The following MFF variants were observed in gnomAD, a reference collection of about 807,000 sequenced individuals.
MFF encodes mitochondrial fission factor.
MFF carries 12 observed loss-of-function variants against 36.9 expected under a neutral mutation model. The ratio of observed to expected loss-of-function variants is 0.33; its 90% CI spans 0.21 to 0.53. MFF has a LOEUF of 0.53. MFF is among the 20% of genes least tolerant of loss of function. The pLI, the probability that MFF is intolerant of heterozygous loss-of-function variation, is 0.95. For missense variants in MFF, 348 were observed against 366.6 expected (o/e 0.95, Z 0.42); for synonymous variants, 99 against 126.2 (o/e 0.78, Z 1.44).
intron 8 of MFF, 60 bp downstream of exon 8, chr2:227,355,821 G>A: frequency 9.8e-7 from 1 of 1,015,500 alleles, no homozygotes; most frequent in Non-Finnish European, 1.5e-6. Flanking sequence ...ATTTTAAAGT[G>A]ATAGTTCTCA....
chr2:227,357,196 T>C lies in MFF; in HGVS notation c.*79T>C. On this transcript the variant is annotated 3_prime_UTR_variant, in exon 9 of 9. Transcript: ENST00000304593. ...TTGCAAACTTCTTTGTTTCTGTCTC[T>C]GCATTGTATGCCATTTTATAGTCCA... 6.8e-7 allele frequency: 1 copy of C among 1,463,710 alleles called. No individual in the cohort carries two copies. Among genetic ancestry groups the C allele is most frequent in the African/African-American group, 1.4e-5 (1 of 71,630 alleles). 90.7% of individuals were successfully genotyped at this position (1,463,710 alleles called of 1,614,324 possible). A position where few individuals can be genotyped will look rare whatever the true frequency, so the allele number is the denominator to read the frequency against.
intron 4 of MFF, among the ~76,000 whole-genome samples, chr2:227,333,006 C>T (rs2074712615): frequency 6.6e-6 from 1 of 152,218 alleles, no homozygotes; most frequent in Non-Finnish European, 1.5e-5. Flanking sequence ...AAAGTTTCTA[C>T]TGAGCTACTC....
intron 2 of MFF, 131 bp from the exon 3 acceptor site, chr2:227,330,495 G>T: frequency 1.2e-5 from 7 of 605,278 alleles, no homozygotes; most frequent in African/African-American, 5.6e-5. Context: ...TTTTTGCTTT[G>T]TATGTGTTCA....
intron 1 of MFF, among the ~76,000 whole-genome samples, chr2:227,326,660 T>C (rs1020710557): frequency 6.6e-6 from 1 of 152,220 alleles, no homozygotes; most frequent in Non-Finnish European, 1.5e-5. Context: ...CATTAATATA[T>C]AGTTTTAAAA....
chr2:227,340,954 G>A (rs1170464518), intron 5 of MFF, among the ~76,000 whole-genome samples: 1 of 151,222 alleles, frequency 6.6e-6, no homozygotes, highest in Non-Finnish European at 1.5e-5. Flanking sequence ...TAATCAGAAA[G>A]TCATTGTCAG....
chr2:227,342,818 A>G, intron 5 of MFF: 1 of 1,613,024 alleles, frequency 6.2e-7, no homozygotes, highest in Non-Finnish European at 8.5e-7. Context: ...ACCGGAGTAC[A>G]CGTAAGATTT....
intron 1 of MFF, among the ~76,000 whole-genome samples, chr2:227,328,461 T>C (rs2074336977): frequency 6.6e-6 from 1 of 152,202 alleles, no homozygotes; most frequent in African/African-American, 2.4e-5. Flanking sequence ...AGAGCTAGTC[T>C]TTTATATTGC....
intron 5 of MFF, chr2:227,342,940 T>G (rs2075483182): frequency 1.4e-6 from 1 of 732,628 alleles, no homozygotes. Flanking sequence ...CCTGTTTGGC[T>G]TTTTAGTACC....
chr2:227,343,634 C>T (rs940312591), intron 5 of MFF, among the ~76,000 whole-genome samples: 3 of 151,960 alleles, frequency 2.0e-5, no homozygotes, highest in African/African-American at 4.8e-5. Context: ...GATACCTCAC[C>T]GAAGAGGTTA....
At chr2:227,328,165 G>GT (rs2074300594) in intron 1 of MFF, among the ~76,000 whole-genome samples, 2 of 152,016 alleles carry the variant, frequency 1.3e-5, no homozygotes, top group Non-Finnish European at 2.9e-5. Flanking sequence ...GAGCCTAGGA[G>GT]TTTGAGATCA....
chr2:227,340,167 G>A, intron 4 of MFF, 125 bp from the exon 5 acceptor site: 1 of 665,914 alleles, frequency 1.5e-6, no homozygotes, highest in Non-Finnish European at 2.5e-6. Flanking sequence ...GCAATTCTTG[G>A]TTGCCTTTTC....
At chr2:227,352,040 A>C (rs558962649) in intron 6 of MFF, 1 of 153,022 alleles carries the variant, frequency 6.5e-6, no homozygotes, top group South Asian at 2.1e-4. Context: ...TGGGAAATGG[A>C]GTTTCTTGAA....
intron 4 of MFF, among the ~76,000 whole-genome samples, chr2:227,336,143 A>G (rs1460060795): frequency 6.6e-6 from 1 of 152,242 alleles, no homozygotes; most frequent in Non-Finnish European, 1.5e-5. Context: ...AAAGAGTTGG[A>G]AAATGCTGCC....
At chr2:227,333,799 T>A (rs1190364668) in intron 4 of MFF, among the ~76,000 whole-genome samples, 2 of 152,210 alleles carry the variant, frequency 1.3e-5, no homozygotes, top group East Asian at 3.8e-4. Context: ...CAGTGACGAT[T>A]TTGCCAGGAA....
chr2:227,335,296 G>C (rs529158949), intron 4 of MFF, among the ~76,000 whole-genome samples: 1 of 152,070 alleles, frequency 6.6e-6, no homozygotes, highest in South Asian at 2.1e-4. Context: ...GAAATATCCA[G>C]AGTGGCCAAA....
In MFF at chr2:227,355,768, AGT is replaced by A; in HGVS notation, c.744+10_744+11del. 6.5e-7 allele frequency: 1 copy of A among 1,542,466 alleles called. No homozygotes were observed. Among genetic ancestry groups the A allele is most frequent in the Non-Finnish European group, 9.0e-7 (1 of 1,116,586 alleles). Reference sequence around the variant, plus strand: ...AGCTTCACTAAGACGACAGGTATTTAGTGTACCAAATAAGATATATTTCTCAG... The same window carrying A: ...AGCTTCACTAAGACGACAGGTATTTAGTACCAAATAAGATATATTTCTCAG... On this transcript the variant is annotated splice_region_variant and intron_variant, in intron 8 of 8. Coordinates refer to ENST00000304593, the MANE Select transcript of MFF (RefSeq NM_001277062.2).
At position 227,330,801 on chromosome 2, in the gene MFF, A is replaced by G. The variant is rs2074515446; in HGVS notation, c.136A>G (p.Asn46Asp). The G allele has an allele frequency of 6.2e-7, 1 of 1,614,238 alleles. No individual in the cohort carries two copies. The highest frequency in any genetic ancestry group is 1.7e-5 in the Admixed American group (1 of 60,028). ...LEQGFQEGVP[N>D]ASVIMQVPER... is the part of the protein sequence containing the mutation. ...ACAAGGATTCCAAGAAGGAGTTCCA[A>G]ATGCTAGTGTGATAATGCAAGTTCC... Residue 46 changes from asparagine to aspartate, a missense_variant, in exon 3 of 9, where the codon AAT becomes GAT. Coordinates refer to ENST00000304593, the MANE Select transcript of MFF (RefSeq NM_001277062.2).
At chr2:227,351,908 A>G (rs911248667) in intron 6 of MFF, 5 of 152,238 alleles carry the variant, frequency 3.3e-5, no homozygotes, top group African/African-American at 1.2e-4. Flanking sequence ...ACGTCTCCTG[A>G]TCTCAGCTTC....
chr2:227,328,974 A>G (rs2074375459), intron 2 of MFF, 185 bp downstream of exon 2: 1 of 152,244 alleles, frequency 6.6e-6, no homozygotes, highest in African/African-American at 2.4e-5. Context: ...TCTCCTAGGC[A>G]TCTCAGTGAG....
Sources: gnomAD v4.1 joint callset for allele counts (sites outside exome capture counted in the v4.1 genomes callset) on GRCh38, gnomAD v4.1.1 for gene constraint, MANE v1.5 for transcripts, NCBI Gene and HGNC (gene_info 2026-07-23, HGNC 2026-07-21) for gene names.